RALY: variants seen among roughly 807,000 people sequenced by gnomAD.
RALY encodes RALY heterogeneous nuclear ribonucleoprotein.
RALY carries 15 observed loss-of-function variants against 30.7 expected under a neutral mutation model. The ratio of observed to expected loss-of-function variants is 0.49; its 90% confidence interval spans 0.33 to 0.75. The LOEUF (loss-of-function observed/expected upper bound fraction) is 0.75. Ranked by LOEUF, RALY falls within the 30% of genes least tolerant of loss-of-function variation. The pLI is 0.02. For missense variants in RALY, 339 were observed against 414.3 expected (o/e 0.82, Z 1.58); for synonymous variants, 177 against 170.8 (o/e 1.04, Z -0.28).
Position 34,003,295 on chromosome 20 carries a change from C to T in RALY, c.-93+9164C>T, listed in dbSNP as rs540965130. Among the ~76,000 whole-genome samples, 3 of 152,218 alleles carry T rather than the reference C, an allele frequency of 2.0e-5. No individual in the cohort carries two copies. In the East Asian group the frequency reaches 5.8e-4, roughly 29 times the overall value. ...GGGTTAACACTCCATATCTTGCCTT[C>T]CTCACAATGGTATTGTGAGGAGCAA... On this transcript the variant is annotated intron_variant, in intron 1 of 9. Transcript: ENST00000246194.
Position 34,081,835 on chromosome 20 carries a change from C to G in RALY, c.*1930C>G, listed in dbSNP as rs1413143558. ...CTGGCTTCATACCTGAGCCAAAAGC[C>G]CCAATCCATGCTTGGCCATTGCCTG... On this transcript the variant is annotated 3_prime_UTR_variant, in exon 10 of 10. Coordinates refer to ENST00000246194, the MANE Select transcript of RALY (RefSeq NM_016732.3). The G allele has an allele frequency of 6.6e-6, 1 of 152,336 alleles. No individual in the cohort carries two copies. The highest frequency in any genetic ancestry group is 1.5e-5 in the Non-Finnish European group (1 of 68,128). The allele number at this position is 152,336 out of a possible 1,614,324, so 9.4% of individuals were successfully genotyped here.
intron 1 of RALY, among the ~76,000 whole-genome samples, chr20:33,995,866 A>C (rs557500113): frequency 6.6e-5 from 10 of 152,312 alleles, no homozygotes; most frequent in African/African-American, 2.4e-4. Flanking sequence ...TATTTCTCCC[A>C]TACCTTGCCA....
At chr20:33,995,571 A>G (rs937617563) in intron 1 of RALY, among the ~76,000 whole-genome samples, 1 of 152,170 alleles carries the variant, frequency 6.6e-6, no homozygotes, top group Admixed American at 6.5e-5. Flanking sequence ...AAATCAGGCA[A>G]GGGAGTTTCT....
At chr20:34,004,417 T>TC (rs2031067092) in intron 1 of RALY, among the ~76,000 whole-genome samples, 1 of 152,142 alleles carries the variant, frequency 6.6e-6, no homozygotes, top group African/African-American at 2.4e-5. Flanking sequence ...GTGCTTCCCT[T>TC]CCCCCCTTTT....
At chr20:34,002,588 T>C (rs2030968254) in intron 1 of RALY, among the ~76,000 whole-genome samples, 1 of 152,234 alleles carries the variant, frequency 6.6e-6, no homozygotes, top group Non-Finnish European at 1.5e-5. Context: ...GAGACCAGTT[T>C]GATAATCTGA....
At chr20:34,017,288 G>A (rs951358368) in intron 1 of RALY, 2 of 152,214 alleles carry the variant, frequency 1.3e-5, no homozygotes, top group African/African-American at 4.8e-5. Context: ...GCTCAGAAAA[G>A]TCAAAATGAA....
chr20:34,047,374 G>A (rs1300387016), intron 2 of RALY, among the ~76,000 whole-genome samples: 1 of 152,096 alleles, frequency 6.6e-6, no homozygotes, highest in Non-Finnish European at 1.5e-5. Context: ...GGAGCAGGGG[G>A]CAGTGTTGAT....
At chr20:34,000,753 A>G (rs1387898754) in intron 1 of RALY, among the ~76,000 whole-genome samples, 2 of 152,154 alleles carry the variant, frequency 1.3e-5, no homozygotes, top group Admixed American at 6.5e-5. Context: ...GGAGTGCTCT[A>G]CTAACTAAAG....
chr20:34,069,490 T>G (rs1160378388), intron 2 of RALY, among the ~76,000 whole-genome samples: 1 of 152,154 alleles, frequency 6.6e-6, no homozygotes, highest in African/African-American at 2.4e-5. Flanking sequence ...GTTGACTCCC[T>G]CTAGCCAAAG....
At chr20:33,999,849 C>G (rs1298258431) in intron 1 of RALY, among the ~76,000 whole-genome samples, 1 of 151,906 alleles carries the variant, frequency 6.6e-6, no homozygotes, top group African/African-American at 2.4e-5. Flanking sequence ...CAGTCTTTTT[C>G]TCGGGTGGCA....
chr20:34,055,287 A>G (rs1457665643), intron 2 of RALY, among the ~76,000 whole-genome samples: 2 of 152,240 alleles, frequency 1.3e-5, no homozygotes, highest in Non-Finnish European at 2.9e-5. Context: ...GTAATAAGCA[A>G]TTAATATAAT....
chr20:34,071,184 A>G (rs2033716088), intron 2 of RALY, among the ~76,000 whole-genome samples: 1 of 152,240 alleles, frequency 6.6e-6, no homozygotes, highest in East Asian at 1.9e-4. Context: ...TTGGGCGGGG[A>G]CACAAATTCA....
At chr20:34,072,528 C>CAG (rs2033756750) in intron 3 of RALY, among the ~76,000 whole-genome samples, 198 bp downstream of exon 3, 1 of 152,252 alleles carries the variant, frequency 6.6e-6, no homozygotes, top group African/African-American at 2.4e-5. Flanking sequence ...CTGGAAAACA[C>CAG]TTCTGACCTG....
chr20:34,050,716 C>A (rs1338948370), intron 2 of RALY, among the ~76,000 whole-genome samples: 3 of 152,252 alleles, frequency 2.0e-5, no homozygotes, highest in Middle Eastern at 6.3e-3. Context: ...CTGGACAGAT[C>A]TCATACAGAG....
At chr20:34,065,387 G>A (rs1018555739) in intron 2 of RALY, among the ~76,000 whole-genome samples, 5 of 152,250 alleles carry the variant, frequency 3.3e-5, no homozygotes, top group African/African-American at 1.2e-4. Context: ...ACTAAGAACA[G>A]CAGAGCCAAG....
chr20:34,041,657 C>T (rs905295610), intron 2 of RALY, among the ~76,000 whole-genome samples: 13 of 152,244 alleles, frequency 8.5e-5, no homozygotes, highest in African/African-American at 2.9e-4. Context: ...TTTTTAGGCA[C>T]AGGGTGATAG....
intron 2 of RALY, among the ~76,000 whole-genome samples, chr20:34,033,437 T>C (rs1484257753): frequency 6.6e-6 from 1 of 152,216 alleles, no homozygotes; most frequent in Non-Finnish European, 1.5e-5. Flanking sequence ...TTCGAATGTC[T>C]GGAAAAGTTC....
chr20:34,000,434 G>A (rs1039205670), intron 1 of RALY, among the ~76,000 whole-genome samples: 2 of 152,138 alleles, frequency 1.3e-5, no homozygotes, highest in African/African-American at 4.8e-5. Flanking sequence ...CCCTCTCTTC[G>A]AACGAATAAG....
At chr20:34,042,018 T>C (rs965673563) in intron 2 of RALY, among the ~76,000 whole-genome samples, 1 of 151,998 alleles carries the variant, frequency 6.6e-6, no homozygotes, top group Non-Finnish European at 1.5e-5. Context: ...GATGGGAGGA[T>C]TGCTTGAGCG....
Sources: allele counts gnomAD v4.1 joint callset (sites outside exome capture counted in the v4.1 genomes callset), GRCh38; gene constraint gnomAD v4.1.1; transcripts MANE v1.5; gene names NCBI Gene and HGNC (gene_info 2026-07-23, HGNC 2026-07-21).